The following ATG7 variants were observed in gnomAD, a reference collection of about 807,000 sequenced individuals.
The protein encoded by ATG7 is ubiquitin-like modifier-activating enzyme ATG7.
A neutral mutation model predicts 82.4 loss-of-function variants in ATG7; 70 were observed. The observed-to-expected ratio is 0.85, with a 90% confidence interval of 0.70 to 1.04. ATG7 has a LOEUF of 1.04. ATG7 is among the 50% of genes least tolerant of loss of function. The pLI, the probability that ATG7 is intolerant of heterozygous loss-of-function variation, is 0.00. For synonymous variants in ATG7, 287 were observed against 313.0 expected, an observed-to-expected ratio of 0.92 and a Z score of 0.88; for missense variants, 792 against 864.3, an observed-to-expected ratio of 0.92 and a Z score of 1.05.
chr3:11,441,500 C>T lies in ATG7; in HGVS notation c.2079+14574C>T, dbSNP rs112743560. Among the ~76,000 whole-genome samples, 610 of 152,044 alleles carry T rather than the reference C, an allele frequency of 4.0e-3. 5 individuals are homozygous for T. Among genetic ancestry groups the T allele is most frequent in the African/African-American group, 0.014 (565 of 41,460 alleles). On this transcript the variant is annotated intron_variant, in intron 20 of 20. Coordinates refer to ENST00000693202, the MANE Select transcript of ATG7 (RefSeq NM_001349232.2). ...CTCATGATCCACCCACCTCGGCCTC[C>T]GAAAGTGCTGGGATTACAGGCGTGA...
intron 20 of ATG7, among the ~76,000 whole-genome samples, chr3:11,474,875 G>C (rs2087954157): frequency 6.6e-6 from 1 of 152,228 alleles, no homozygotes; most frequent in East Asian, 1.9e-4. Context: ...GTGGGAGTGG[G>C]GGGCCGGAGC....
At chr3:11,408,884 A>AT (rs1455011508) in intron 19 of ATG7, among the ~76,000 whole-genome samples, 1 of 152,152 alleles carries the variant, frequency 6.6e-6, no homozygotes, top group African/African-American at 2.4e-5. Context: ...AAATGCTGGG[A>AT]TTACAGGTGT....
chr3:11,508,714 G>T (rs1398750313), intron 20 of ATG7, among the ~76,000 whole-genome samples: 1 of 152,184 alleles, frequency 6.6e-6, no homozygotes, highest in Non-Finnish European at 1.5e-5. Flanking sequence ...CTTTCCCAAA[G>T]CGCTGAGATT....
chr3:11,335,239 C>G (rs888258110), intron 11 of ATG7, among the ~76,000 whole-genome samples: 1 of 152,064 alleles, frequency 6.6e-6, no homozygotes, highest in Admixed American at 6.6e-5. Flanking sequence ...GTAATGTTAA[C>G]TTACATGCTA....
Position 11,379,385 on chromosome 3 carries a change from C to T in ATG7, c.1876-587C>T, listed in dbSNP as rs1339229969. 3.9e-5 allele frequency among the ~76,000 whole-genome samples: 6 copies of T among 152,270 alleles called. No individual in the cohort carries two copies. In the East Asian group the frequency reaches 7.7e-4, roughly 20 times the overall value. ...TAGCTGATACTCTGGAAATGTAACT[C>T]AGTTGTAGTCCAGAATTTTATGCTC... On this transcript the variant is annotated intron_variant, in intron 18 of 20. Transcript: ENST00000693202.
intron 20 of ATG7, among the ~76,000 whole-genome samples, chr3:11,432,199 TTGGAGA>T (rs541443985): frequency 2.0e-4 from 30 of 152,112 alleles, no homozygotes; most frequent in Non-Finnish European, 3.5e-4. Context: ...CTGGTTGGCG[TTGGAGA>T]TGGGATGGAG....
intron 20 of ATG7, among the ~76,000 whole-genome samples, chr3:11,452,410 G>GAAAAAAAAAAAAAAAAAAAAAAAA (rs2085286455): frequency 1.8e-5 from 2 of 110,720 alleles, no homozygotes; most frequent in African/African-American, 7.9e-5. Flanking sequence ...AAAAAAAAAG[G>GAAAAAAAAAAAAAAAAAAAAAAAA]AAATGTTCTG....
At chr3:11,296,899 G>T (rs1306540215) in intron 3 of ATG7, among the ~76,000 whole-genome samples, 4 of 152,030 alleles carry the variant, frequency 2.6e-5, no homozygotes, top group Non-Finnish European at 4.4e-5. Context: ...TACCTTTTAT[G>T]TAGGAGCACT....
chr3:11,386,229 CTT>C (rs1206894526), intron 19 of ATG7, among the ~76,000 whole-genome samples: 1 of 152,168 alleles, frequency 6.6e-6, no homozygotes, highest in Non-Finnish European at 1.5e-5. Flanking sequence ...TCTATTGACA[CTT>C]TATTAGCTTT....
At chr3:11,384,853 T>TG (rs2078195082) in intron 19 of ATG7, among the ~76,000 whole-genome samples, 1 of 151,846 alleles carries the variant, frequency 6.6e-6, no homozygotes, top group South Asian at 2.1e-4. Flanking sequence ...CCCAGCTACT[T>TG]GGGGGGCTGA....
chr3:11,330,755 T>A (rs1418780514), intron 9 of ATG7, among the ~76,000 whole-genome samples: 1 of 152,218 alleles, frequency 6.6e-6, no homozygotes, highest in Non-Finnish European at 1.5e-5. Flanking sequence ...ACAGGCCAAC[T>A]ACTTCTGCCA....
chr3:11,416,432 T>C (rs1300398349), intron 19 of ATG7, among the ~76,000 whole-genome samples: 1 of 152,184 alleles, frequency 6.6e-6, no homozygotes, highest in Non-Finnish European at 1.5e-5. Flanking sequence ...ATTTGAGTTT[T>C]GGTGGATTCT....
At chr3:11,450,599 G>A (rs2085018485) in intron 20 of ATG7, among the ~76,000 whole-genome samples, 1 of 152,180 alleles carries the variant, frequency 6.6e-6, no homozygotes. Context: ...AAGGTTTGGT[G>A]TTCACCTCAT....
At chr3:11,485,733 G>A (rs911068887) in intron 20 of ATG7, among the ~76,000 whole-genome samples, 3 of 152,176 alleles carry the variant, frequency 2.0e-5, no homozygotes, top group Non-Finnish European at 4.4e-5. Context: ...GTGTAAGCAA[G>A]GGATCCAGTT....
chr3:11,559,472 T>G (rs771248341), downstream of ATG7: 20 of 1,542,606 alleles, frequency 1.3e-5, no homozygotes, highest in Non-Finnish European at 1.7e-5. Flanking sequence ...GGAGGAGGGG[T>G]GTCAGTATGT....
intron 20 of ATG7, among the ~76,000 whole-genome samples, chr3:11,437,482 A>G (rs1007999652): frequency 1.3e-5 from 2 of 152,090 alleles, no homozygotes; most frequent in African/African-American, 2.4e-5. Context: ...GCACGTTGCT[A>G]TCTGTTTGTG....
chr3:11,530,574 A>C (rs184887933), intron 20 of ATG7, among the ~76,000 whole-genome samples: 187 of 152,324 alleles, frequency 1.2e-3, no homozygotes, highest in African/African-American at 4.4e-3. Context: ...TGGTGAAATG[A>C]ATCCCCTCCT....
chr3:11,534,433 T>G (rs1020664058), intron 20 of ATG7, among the ~76,000 whole-genome samples: 13 of 152,224 alleles, frequency 8.5e-5, no homozygotes, highest in African/African-American at 3.1e-4. Flanking sequence ...CCTCACATCT[T>G]CTGCTCACAG....
intron 20 of ATG7, among the ~76,000 whole-genome samples, chr3:11,461,299 G>A (rs1048682927): frequency 6.6e-6 from 1 of 152,206 alleles, no homozygotes; most frequent in African/African-American, 2.4e-5. Flanking sequence ...AAACTATAGG[G>A]AATAGTGATT....
Sources: gnomAD v4.1 joint callset for allele counts (sites outside exome capture counted in the v4.1 genomes callset) on GRCh38, gnomAD v4.1.1 for gene constraint, MANE v1.5 for transcripts, NCBI Gene and HGNC (gene_info 2026-07-23, HGNC 2026-07-21) for gene names.